DPP6: variants seen among roughly 807,000 people sequenced by gnomAD.
The protein encoded by DPP6 is A-type potassium channel modulatory protein DPP6.
Under a neutral mutation model 122.6 loss-of-function variants are expected in DPP6, and 69 were observed. The ratio of observed to expected loss-of-function variants is 0.56; its 90% CI spans 0.46 to 0.69. The LOEUF (loss-of-function observed/expected upper bound fraction) is 0.69. Ranked by LOEUF, DPP6 falls within the 30% of genes least tolerant of loss-of-function variation. DPP6 has a pLI of 0.00. For synonymous variants in DPP6, 418 were observed against 433.1 expected (o/e 0.97, Z 0.43); for missense variants, 928 against 1,116.9 (o/e 0.83, Z 2.41).
chr7:154,134,857 C>T (rs1795464097), intron 1 of DPP6, among the ~76,000 whole-genome samples: 1 of 152,102 alleles, frequency 6.6e-6, no homozygotes, highest in Non-Finnish European at 1.5e-5. Flanking sequence ...TGTGAGCATA[C>T]ACTTCCTGTG....
intron 3 of DPP6, among the ~76,000 whole-genome samples, chr7:154,523,300 A>G (rs1827148933): frequency 6.6e-6 from 1 of 152,212 alleles, no homozygotes; most frequent in Admixed American, 6.5e-5. Context: ...GAACACCTAT[A>G]TTACCAGTAC....
chr7:153,842,404 T>C, the DPP6 span, among the ~76,000 whole-genome samples: 1,251 of 152,328 alleles, frequency 8.2e-3, 13 homozygotes, highest in East Asian at 0.027. Context: ...AATATTCCTG[T>C]AGTTAATATT....
At chr7:154,753,948 T>C (rs1316724511) in intron 8 of DPP6, among the ~76,000 whole-genome samples, 3 of 152,164 alleles carry the variant, frequency 2.0e-5, no homozygotes, top group African/African-American at 4.8e-5. Flanking sequence ...TCTTGTTCTT[T>C]GAACAATAGA....
chr7:154,540,121 G>A (rs900226444), intron 3 of DPP6, among the ~76,000 whole-genome samples: 1 of 152,228 alleles, frequency 6.6e-6, no homozygotes, highest in Non-Finnish European at 1.5e-5. Flanking sequence ...GCAGATGAAA[G>A]CATGTTTTGC....
At chr7:153,971,919 T>C (rs1796039160) in intron 1 of DPP6, among the ~76,000 whole-genome samples, 1 of 147,488 alleles carries the variant, frequency 6.8e-6, no homozygotes, top group African/African-American at 2.5e-5. Context: ...GGCTGTGGTC[T>C]GGAAGCTTTC....
chr7:154,840,515 C>A (rs971099304), intron 16 of DPP6, among the ~76,000 whole-genome samples: 17 of 152,136 alleles, frequency 1.1e-4, no homozygotes, highest in Non-Finnish European at 2.9e-5. Flanking sequence ...TGAAAAGGAG[C>A]CTGAGTTTCC....
intron 1 of DPP6, among the ~76,000 whole-genome samples, chr7:154,190,708 A>T (rs1798576912): frequency 6.6e-6 from 1 of 152,066 alleles, no homozygotes; most frequent in Non-Finnish European, 1.5e-5. Flanking sequence ...GAGAACTAGG[A>T]TAAATAGAGT....
At position 154,104,499 on chromosome 7, in the gene DPP6, GC is replaced by G. The variant is rs202145299; in HGVS notation, c.243+51437del. On this transcript the variant is annotated intron_variant, in intron 1 of 25. Coordinates refer to ENST00000377770, the MANE Select transcript of DPP6 (RefSeq NM_130797.4). ...AGAAGGTGTTTTCATGATTAACAAGGCATGGCATTCGTATTTCAAAGATCAC... is the reference window on the plus strand; with the variant it reads ...AGAAGGTGTTTTCATGATTAACAAGGATGGCATTCGTATTTCAAAGATCAC... 7.5e-3 allele frequency among the ~76,000 whole-genome samples: 1,145 copies of G among 152,342 alleles called. 24 individuals carry two copies. The highest frequency in any genetic ancestry group is 0.027 in the African/African-American group (1,103 of 41,590).
intron 7 of DPP6, among the ~76,000 whole-genome samples, chr7:154,703,613 T>C (rs912710271): frequency 4.8e-5 from 5 of 105,230 alleles, no homozygotes; most frequent in Non-Finnish European, 8.5e-5. Flanking sequence ...TGAGACACTC[T>C]GTCTCAAAAA....
intron 7 of DPP6, among the ~76,000 whole-genome samples, chr7:154,710,277 C>T (rs978771787): frequency 1.3e-5 from 2 of 152,188 alleles, no homozygotes; most frequent in African/African-American, 4.8e-5. Flanking sequence ...GCTGTAACTC[C>T]CTCCCAGTAC....
At chr7:153,981,457 C>T (rs1240707514) in intron 1 of DPP6, among the ~76,000 whole-genome samples, 1 of 152,168 alleles carries the variant, frequency 6.6e-6, no homozygotes, top group Non-Finnish European at 1.5e-5. Flanking sequence ...AAGTGGGTCT[C>T]CTGAATACAG....
chr7:154,659,027 C>T (rs1214002743), intron 6 of DPP6, among the ~76,000 whole-genome samples: 1 of 152,202 alleles, frequency 6.6e-6, no homozygotes, highest in Non-Finnish European at 1.5e-5. Context: ...CCAAGTGGCT[C>T]ATCCAAAAGG....
At chr7:153,857,322 T>TTCTCTCTCTCTCTC in the DPP6 span, among the ~76,000 whole-genome samples, 7,115 of 124,202 alleles carry the variant, frequency 0.057, 475 homozygotes, top group African/African-American at 0.093. Context: ...CTCAAAGGTT[T>TTCTCTCTCTCTCTC]TCTCTCTCTC....
chr7:154,634,891 C>G (rs939641769), intron 5 of DPP6, among the ~76,000 whole-genome samples: 2 of 152,110 alleles, frequency 1.3e-5, no homozygotes, highest in South Asian at 4.1e-4. Context: ...ATGGCATAAC[C>G]AGGGAATGAA....
chr7:154,702,460 A>C (rs1403767010), intron 7 of DPP6, among the ~76,000 whole-genome samples: 1 of 152,268 alleles, frequency 6.6e-6, no homozygotes, highest in African/African-American at 2.4e-5. Context: ...TCTTTGAAGA[A>C]AATTAAAATT....
chr7:154,669,517 G>A, intron 7 of DPP6, 76 bp downstream of exon 7: 1 of 1,524,230 alleles, frequency 6.6e-7, no homozygotes, highest in Non-Finnish European at 8.8e-7. Flanking sequence ...GGATCTCACT[G>A]TACTCAGCCT....
intron 1 of DPP6, among the ~76,000 whole-genome samples, chr7:154,189,936 G>C (rs1197535513): frequency 6.6e-6 from 1 of 152,154 alleles, no homozygotes; most frequent in African/African-American, 2.4e-5. Context: ...ACCACCCATG[G>C]CTTCTTCTTT....
chr7:154,009,696 C>G (rs575381490), intron 1 of DPP6, among the ~76,000 whole-genome samples: 1 of 151,488 alleles, frequency 6.6e-6, no homozygotes, highest in Non-Finnish European at 1.5e-5. Context: ...TTGTTCTGCT[C>G]TGCTGGGCCC....
chr7:153,906,734 G>A (rs1585012856), intron 1 of DPP6, among the ~76,000 whole-genome samples: 1 of 152,220 alleles, frequency 6.6e-6, no homozygotes, highest in Admixed American at 6.5e-5. Flanking sequence ...TTACAGGCGT[G>A]AGCCATTGCT....
Sources: gnomAD v4.1 joint callset for allele counts (sites outside exome capture counted in the v4.1 genomes callset) on GRCh38, gnomAD v4.1.1 for gene constraint, MANE v1.5 for transcripts, NCBI Gene and HGNC (gene_info 2026-07-23, HGNC 2026-07-21) for gene names.